Variants in THEMIS observed in about 807,000 individuals in gnomAD.
The protein encoded by THEMIS is thymocyte selection associated, also known as protein THEMIS.
A neutral mutation model predicts 52.6 loss-of-function variants in THEMIS; 37 were observed. The observed-to-expected ratio is 0.70, with a 90% CI of 0.54 to 0.93. THEMIS has a LOEUF of 0.93. Among genes scored for constraint, THEMIS ranks in the 40% least tolerant of loss-of-function variants. The pLI is 0.00. For synonymous variants in THEMIS, 292 were observed against 272.7 expected (o/e 1.07, Z -0.70); for missense variants, 808 against 763.1 (o/e 1.06, Z -0.69).
intron 2 of THEMIS, among the ~76,000 whole-genome samples, chr6:127,843,046 G>A (rs1245151027): frequency 2.6e-5 from 4 of 151,974 alleles, no homozygotes; most frequent in Non-Finnish European, 5.9e-5. Flanking sequence ...TAAGTAGGAA[G>A]CACGTCCCAA....
At position 127,859,908 on chromosome 6, in the gene THEMIS, A is replaced by G. The variant is rs548849974; in HGVS notation, c.92-4720T>C. On this transcript the variant is annotated intron_variant, in intron 1 of 5. Coordinates refer to ENST00000368248, the MANE Select transcript of THEMIS (RefSeq NM_001010923.3). ...GTGGAGATGCAACTTTGCTCATTAT[A>G]AATAGGTGTGATTATTTTTTGCTTC... Among the ~76,000 whole-genome samples, 48 of 152,256 alleles carry G rather than the reference A, an allele frequency of 3.2e-4. 2 individuals are homozygous for G. The highest frequency in any genetic ancestry group is 1.1e-3 in the African/African-American group (46 of 41,572).
chr6:127,791,277 C>T (rs532420069), intron 4 of THEMIS, among the ~76,000 whole-genome samples: 1 of 152,036 alleles, frequency 6.6e-6, no homozygotes, highest in African/African-American at 2.4e-5. Flanking sequence ...ATAGGCAGGT[C>T]ATCCCAATAT....
chr6:127,907,846 ATT>A (rs1781315162), intron 1 of THEMIS, among the ~76,000 whole-genome samples: 1 of 151,478 alleles, frequency 6.6e-6, no homozygotes, highest in Non-Finnish European at 1.5e-5. Flanking sequence ...ATTTTATTTT[ATT>A]TTATTTTTTT....
At chr6:127,802,317 T>C (rs994945258) in intron 4 of THEMIS, among the ~76,000 whole-genome samples, 3 of 152,184 alleles carry the variant, frequency 2.0e-5, no homozygotes, top group Admixed American at 6.5e-5. Context: ...AAGAGCCCTG[T>C]AATTGCGCTT....
chr6:127,897,107 G>A (rs946246627), intron 1 of THEMIS, among the ~76,000 whole-genome samples: 1 of 151,282 alleles, frequency 6.6e-6, no homozygotes, highest in Non-Finnish European at 1.5e-5. Context: ...CTCTGTAGAA[G>A]AGAAAAATAA....
chr6:127,755,272 T>C (rs1457745911), intron 4 of THEMIS, among the ~76,000 whole-genome samples: 1 of 152,210 alleles, frequency 6.6e-6, no homozygotes, highest in Non-Finnish European at 1.5e-5. Context: ...AAAAAATGCT[T>C]AAATACTTTT....
intron 4 of THEMIS, among the ~76,000 whole-genome samples, chr6:127,756,026 C>CAA (rs57815653): frequency 4.7e-5 from 7 of 147,452 alleles, no homozygotes; most frequent in South Asian, 2.1e-4. Flanking sequence ...GACTCCATCT[C>CAA]AAAAAAAAAC....
intron 4 of THEMIS, among the ~76,000 whole-genome samples, chr6:127,754,941 T>C (rs532125297): frequency 5.9e-5 from 9 of 152,270 alleles, no homozygotes; most frequent in African/African-American, 1.9e-4. Context: ...TTCTAGAAAT[T>C]ATTGCAATGC....
In THEMIS at chr6:127,723,777, C is replaced by T. The variant is rs117016587; in HGVS notation, c.1759-3954G>A. 2.8e-3 allele frequency among the ~76,000 whole-genome samples: 426 copies of T among 152,108 alleles called. 4 individuals carry two copies. The highest frequency in any genetic ancestry group is 2.3e-3 in the Non-Finnish European group (159 of 67,974). On this transcript the variant is annotated intron_variant, in intron 4 of 5. Transcript: ENST00000368248. ...TGTCACTCACTGTATAAACCTTAGCCAGCACCCTATTTTCTAGTCTTTGTG... is the reference window on the plus strand; with the variant it reads ...TGTCACTCACTGTATAAACCTTAGCTAGCACCCTATTTTCTAGTCTTTGTG...
intron 5 of THEMIS, among the ~76,000 whole-genome samples, chr6:127,710,868 G>C (rs983623067): frequency 2.0e-5 from 3 of 151,784 alleles, no homozygotes; most frequent in African/African-American, 7.3e-5. Context: ...TAACTGCCAG[G>C]ACCTGGAGAG....
At chr6:127,909,468 A>C (rs1781357363) in intron 1 of THEMIS, among the ~76,000 whole-genome samples, 4 of 152,096 alleles carry the variant, frequency 2.6e-5, no homozygotes, top group Admixed American at 2.6e-4. Context: ...ATTCTCCTTC[A>C]TACTGCCATG....
intron 1 of THEMIS, among the ~76,000 whole-genome samples, chr6:127,884,546 G>A (rs571209461): frequency 5.5e-4 from 84 of 152,170 alleles, no homozygotes; most frequent in African/African-American, 1.9e-3. Flanking sequence ...CCTTTCATAA[G>A]CTGTCAAGTT....
intron 4 of THEMIS, among the ~76,000 whole-genome samples, chr6:127,806,246 T>G (rs1464181950): frequency 6.6e-6 from 1 of 152,104 alleles, no homozygotes; most frequent in Non-Finnish European, 1.5e-5. Context: ...GCAAAATAAT[T>G]TAGTCCAAAT....
chr6:127,910,782 ATAT>A (rs150167223), intron 1 of THEMIS, among the ~76,000 whole-genome samples: 1 of 152,014 alleles, frequency 6.6e-6, no homozygotes, highest in African/African-American at 2.4e-5. Flanking sequence ...CAATATTGAG[ATAT>A]TATTATTATT....
downstream of THEMIS, among the ~76,000 whole-genome samples, chr6:127,704,530 T>C (rs1773775776): frequency 6.6e-6 from 1 of 152,180 alleles, no homozygotes; most frequent in African/African-American, 2.4e-5. Context: ...AACTACACAA[T>C]ATTTGAAAAG....
rs139029682 is a variant in THEMIS, at chr6:127,716,902, A to G, written c.1894+2786T>C. Among the ~76,000 whole-genome samples, 187 of 152,010 alleles carry G rather than the reference A, an allele frequency of 1.2e-3. 1 individual carries two copies. The highest frequency in any genetic ancestry group is 0.012 in the South Asian group (57 of 4,828). ...AGTGTTTCTTTTACTCTGAGGAATC[A>G]GTGACATCATCAAAAAGGGTTTCTC... is the stretch of plus-strand genomic sequence containing the variant. On this transcript the variant is annotated intron_variant, in intron 5 of 5. Transcript: ENST00000368248.
chr6:127,862,668 C>A (rs1385199996), intron 1 of THEMIS, among the ~76,000 whole-genome samples: 3 of 151,792 alleles, frequency 2.0e-5, no homozygotes, highest in Admixed American at 1.3e-4. Context: ...GATCCACCCA[C>A]CTCGGCCTCC....
chr6:127,846,391 T>A (rs1779215375), intron 2 of THEMIS, among the ~76,000 whole-genome samples: 2 of 151,332 alleles, frequency 1.3e-5, no homozygotes, highest in Admixed American at 1.3e-4. Flanking sequence ...TCCTGCAGAG[T>A]GAGATTCACC....
At chr6:127,914,176 G>A (rs1781470681) in intron 1 of THEMIS, among the ~76,000 whole-genome samples, 1 of 152,120 alleles carries the variant, frequency 6.6e-6, no homozygotes, top group African/African-American at 2.4e-5. Context: ...TTCAACATGA[G>A]GCTAGACTTG....
Sources: gnomAD v4.1 joint callset for allele counts (sites outside exome capture counted in the v4.1 genomes callset) on GRCh38, gnomAD v4.1.1 for gene constraint, MANE v1.5 for transcripts, NCBI Gene and HGNC (gene_info 2026-07-23, HGNC 2026-07-21) for gene names.